The following BICC1 variants were observed in gnomAD, a reference collection of about 807,000 sequenced individuals.
The protein encoded by BICC1 is BicC family RNA binding protein 1.
BICC1 carries 43 observed loss-of-function variants against 111.0 expected under a neutral mutation model. That is an observed-to-expected ratio of 0.39 (90% CI 0.30 to 0.50). BICC1 has a LOEUF of 0.50. Ranked by LOEUF, BICC1 falls within the 20% of genes least tolerant of loss-of-function variation. BICC1 has a pLI of 0.88. For synonymous variants in BICC1, 467 were observed against 434.4 expected (o/e 1.07, Z -0.93); for missense variants, 1,091 against 1,203.2 (o/e 0.91, Z 1.38).
chr10:58,648,461 T>C (rs868068313), intron 2 of BICC1: 1 of 953,366 alleles, frequency 1.0e-6, no homozygotes, highest in Non-Finnish European at 1.2e-6. Flanking sequence ...CACAGAGTTA[T>C]GTTCTCTGGC....
At chr10:58,594,177 A>C (rs559762616) in intron 1 of BICC1, among the ~76,000 whole-genome samples, 10 of 152,102 alleles carry the variant, frequency 6.6e-5, no homozygotes, top group Middle Eastern at 3.4e-3. Flanking sequence ...GATTAGAGAA[A>C]AAAGGATAAA....
chr10:58,555,055 A>T (rs2438182), intron 1 of BICC1, among the ~76,000 whole-genome samples: 69,744 of 151,706 alleles, frequency 0.46, 17,093 homozygotes, highest in Admixed American at 0.62. Context: ...CTTTAAAAAG[A>T]AAAAGAACAA....
intron 2 of BICC1, among the ~76,000 whole-genome samples, chr10:58,630,130 C>T (rs1837749085): frequency 6.6e-6 from 1 of 152,116 alleles, no homozygotes; most frequent in African/African-American, 2.4e-5. Context: ...GCTCTGTGAA[C>T]TCAGCTGAGC....
intron 3 of BICC1, among the ~76,000 whole-genome samples, chr10:58,717,898 A>G (rs1231831995): frequency 6.6e-6 from 1 of 152,178 alleles, no homozygotes; most frequent in East Asian, 1.9e-4. Context: ...CTTTGCCAAT[A>G]CTGTGCTTTC....
chr10:58,620,987 C>T lies in BICC1; in HGVS notation c.237+86C>T, dbSNP rs778639970. 9 of 1,159,700 alleles carry T rather than the reference C, an allele frequency of 7.8e-6. 1 individual carries two copies. Among genetic ancestry groups the T allele is most frequent in the Non-Finnish European group, 1.1e-5 (9 of 801,602 alleles). 71.8% of individuals were successfully genotyped at this position (1,159,700 alleles called of 1,614,324 possible). ...GCTACCCTAGAAGCCACCGAACGCT[C>T]CCCTTCATGTGGAGGAGAACAGGTT... On this transcript the variant is annotated intron_variant, in intron 2 of 20. Transcript: ENST00000373886.
At chr10:58,556,423 G>A (rs923289783) in intron 1 of BICC1, among the ~76,000 whole-genome samples, 2 of 152,064 alleles carry the variant, frequency 1.3e-5, no homozygotes, top group African/African-American at 4.8e-5. Context: ...GCTTGGTTAA[G>A]AGTATGAAGG....
At chr10:58,579,231 T>G (rs1844197241) in intron 1 of BICC1, among the ~76,000 whole-genome samples, 1 of 152,208 alleles carries the variant, frequency 6.6e-6, no homozygotes, top group Non-Finnish European at 1.5e-5. Flanking sequence ...TCCTTAGAAC[T>G]GGCTTGAAAC....
intron 1 of BICC1, among the ~76,000 whole-genome samples, chr10:58,558,999 G>GATACAAATATTCAAACC (rs533098375): frequency 2.6e-5 from 4 of 152,194 alleles, no homozygotes; most frequent in Admixed American, 6.6e-5. Context: ...ATTTTGAGAT[G>GATACAAATATTCAAACC]ATACAAATAT....
At chr10:58,809,261 C>T (rs1843821118) in intron 17 of BICC1, among the ~76,000 whole-genome samples, 2 of 151,996 alleles carry the variant, frequency 1.3e-5, no homozygotes, top group South Asian at 4.2e-4. Flanking sequence ...GTCTCAAACT[C>T]CTGACCTCAA....
At chr10:58,664,033 A>G (rs559569263) in intron 2 of BICC1, among the ~76,000 whole-genome samples, 6 of 152,206 alleles carry the variant, frequency 3.9e-5, no homozygotes, top group Non-Finnish European at 8.8e-5. Context: ...AAATGCACAT[A>G]GAGGTCTTTG....
intron 1 of BICC1, among the ~76,000 whole-genome samples, chr10:58,583,046 A>G (rs1014904526): frequency 6.6e-6 from 1 of 152,084 alleles, no homozygotes; most frequent in Non-Finnish European, 1.5e-5. Context: ...ACAGAATTCC[A>G]TCACCCCACC....
intron 2 of BICC1, among the ~76,000 whole-genome samples, chr10:58,630,338 G>T (rs1837754198): frequency 6.6e-6 from 1 of 152,166 alleles, no homozygotes; most frequent in Non-Finnish European, 1.5e-5. Context: ...TGAAGCAGAA[G>T]ACAGAGGGGG....
intron 2 of BICC1, among the ~76,000 whole-genome samples, chr10:58,680,500 A>G (rs968856805): frequency 1.3e-5 from 2 of 152,200 alleles, no homozygotes; most frequent in African/African-American, 4.8e-5. Context: ...GATAACTACA[A>G]ACCACTGCAC....
intron 3 of BICC1, among the ~76,000 whole-genome samples, chr10:58,767,448 T>C (rs10826238): frequency 0.28 from 41,959 of 151,954 alleles, 6,696 homozygotes; most frequent in East Asian, 0.49. Context: ...TCCCCAAAGC[T>C]AGTCAGTAAA....
chr10:58,823,980 A>T, intron 20 of BICC1: 1 of 985,388 alleles, frequency 1.0e-6, no homozygotes, highest in Non-Finnish European at 1.2e-6. Flanking sequence ...GCATGCCTGC[A>T]TGTGTCTTTT....
intron 3 of BICC1, among the ~76,000 whole-genome samples, chr10:58,731,188 A>G (rs115386215): frequency 3.9e-5 from 6 of 152,236 alleles, no homozygotes; most frequent in Admixed American, 3.9e-4. Flanking sequence ...TCCCTAGAGC[A>G]GGAGAACAAC....
intron 2 of BICC1, among the ~76,000 whole-genome samples, chr10:58,664,860 C>T (rs1838960312): frequency 6.6e-6 from 1 of 152,064 alleles, no homozygotes; most frequent in Admixed American, 6.5e-5. Context: ...TCAGTATTGT[C>T]AGCAGTTGAG....
intron 1 of BICC1, among the ~76,000 whole-genome samples, chr10:58,597,623 G>T (rs965298656): frequency 1.3e-5 from 2 of 151,890 alleles, no homozygotes; most frequent in Admixed American, 1.3e-4. Flanking sequence ...GAGACCAGGG[G>T]GTATCTCAGT....
Position 58,831,045 on chromosome 10 carries a change from G to C in BICC1, c.*2154G>C, listed in dbSNP as rs1344996176. The C allele has an allele frequency of 1.3e-5, 2 of 152,164 alleles. No individual in the cohort carries two copies. The highest frequency in any genetic ancestry group is 2.9e-5 in the Non-Finnish European group (2 of 68,026). The allele number at this position is 152,164 out of a possible 1,614,324, so 9.4% of individuals were successfully genotyped here. A position where few individuals can be genotyped will look rare whatever the true frequency, so the allele number is the denominator to read the frequency against. On this transcript the variant is annotated 3_prime_UTR_variant, in exon 21 of 21. Transcript: ENST00000373886. ...TAAGTTGATTTATGAACAGTGCTTT[G>C]ATATGCCAAAGGGAAAACTGTCCCA...
Sources: gnomAD v4.1 joint callset for allele counts (sites outside exome capture counted in the v4.1 genomes callset) on GRCh38, gnomAD v4.1.1 for gene constraint, MANE v1.5 for transcripts, NCBI Gene and HGNC (gene_info 2026-07-23, HGNC 2026-07-21) for gene names.